The following RHBDF1 variants were observed in gnomAD, a reference collection of about 807,000 sequenced individuals.
RHBDF1 encodes inactive rhomboid protein 1.
A neutral mutation model predicts 98.6 loss-of-function variants in RHBDF1; 80 were observed. That is an observed-to-expected ratio of 0.81 (90% CI 0.68 to 0.98). The LOEUF (loss-of-function observed/expected upper bound fraction) is 0.98, where lower values mean the gene tolerates loss of function less well. RHBDF1 is among the 50% of genes least tolerant of loss of function. The pLI, the probability that RHBDF1 is intolerant of heterozygous loss-of-function variation, is 0.00. For synonymous variants in RHBDF1, 512 were observed against 486.8 expected (o/e 1.05, Z -0.68); for missense variants, 1,116 against 1,198.3 (o/e 0.93, Z 1.01).
At chr16:69,312 T>C (rs548469059) in intron 1 of RHBDF1, among the ~76,000 whole-genome samples, 23 of 152,260 alleles carry the variant, frequency 1.5e-4, no homozygotes, top group Admixed American at 4.6e-4. Context: ...CACAGGACCA[T>C]GCTGGCAGGG....
chr16:61,628 C>T lies in RHBDF1; in HGVS notation c.1277G>A (p.Gly426Asp), dbSNP rs1897627605. The change falls in exon 9 of 18, where the codon GGC (glycine) becomes GAC (aspartate). Residue 426 changes from glycine (G) to aspartate (D), a missense_variant. Physicochemically the swap from Gly to Asp is moderately conservative, Grantham distance 94 (BLOSUM62 -1). Transcript: ENST00000262316. ...CTGCGAGAAGCCCACGGGCGCGATGCCATAGATGCACACGGCTAGGATGGT... is the reference window on the plus strand; with the variant it reads ...CTGCGAGAAGCCCACGGGCGCGATGTCATAGATGCACACGGCTAGGATGGT... ...LVTILAVCIY[G>D]IAPVGFSQHE... The T allele has an allele frequency of 1.2e-6, 2 of 1,613,360 alleles. No homozygotes were observed. Among genetic ancestry groups the T allele is most frequent in the Admixed American group, 1.7e-5 (1 of 60,002 alleles).
At chr16:62,517 T>C (rs768960065) in intron 7 of RHBDF1, 21 bp downstream of exon 7, 2 of 1,609,112 alleles carry the variant, frequency 1.2e-6, no homozygotes, top group African/African-American at 2.7e-5. Context: ...TCTGCCCCTC[T>C]TCCCTGCCTG....
chr16:59,388 G>C, intron 15 of RHBDF1, 31 bp downstream of exon 15: 10 of 1,612,524 alleles, frequency 6.2e-6, no homozygotes, highest in Non-Finnish European at 8.5e-6. Flanking sequence ...GTAGCTGGGG[G>C]AGGGGAACGA....
In RHBDF1 at chr16:64,316, T is replaced by TG. The variant is rs563937616; in HGVS notation, c.248+382dup. 7.2e-5 allele frequency: 97 copies of TG among 1,342,392 alleles called. No homozygotes were observed. In the East Asian group the frequency reaches 3.5e-3, roughly 48 times the overall value. The allele number at this position is 1,342,392 out of a possible 1,614,324, so 83.2% of individuals were successfully genotyped here. ...ATGCCAGAAAACACCAACACACTCATGACCTGTATGAGATACCTGAGCAGG... is the reference window on the plus strand; with the variant it reads ...ATGCCAGAAAACACCAACACACTCATGGACCTGTATGAGATACCTGAGCAGG... On this transcript the variant is annotated intron_variant, in intron 3 of 17. Coordinates refer to ENST00000262316, the MANE Select transcript of RHBDF1 (RefSeq NM_022450.5).
rs200155960 is a variant in RHBDF1 at position 59,400 on chromosome 16, G to A, written c.1893+19C>T. 43 of 1,613,042 alleles carry A rather than the reference G, an allele frequency of 2.7e-5. No homozygotes were observed. The highest frequency in any genetic ancestry group is 3.3e-5 in the Admixed American group (2 of 59,952). ...ACAGTAGCTGGGGGAGGGGAACGAC[G>A]GACACTCTGCAGACCTACCTGAGAG... On this transcript the variant is annotated intron_variant, in intron 15 of 17. Transcript: ENST00000262316.
upstream of RHBDF1, among the ~76,000 whole-genome samples, chr16:75,644 A>T (rs115086353): frequency 1.5e-3 from 231 of 152,302 alleles, 1 homozygote; most frequent in African/African-American, 5.3e-3. Flanking sequence ...AGGGCCTGGC[A>T]GCACAGCCCC....
At chr16:60,131 C>A in intron 13 of RHBDF1, 85 bp downstream of exon 13, 1 of 1,602,692 alleles carries the variant, frequency 6.2e-7, no homozygotes, top group South Asian at 1.1e-5. Context: ...TGATGGGAAT[C>A]TCTGGTATCA....
At position 59,800 on chromosome 16, in the gene RHBDF1, G is replaced by A. The variant is rs1473113373; in HGVS notation, c.1749C>T (p.Asn583=). 5.6e-6 allele frequency: 9 copies of A among 1,614,044 alleles called. No homozygotes were observed. The African/African-American group carries it at 1.2e-4, about 22-fold the overall frequency. The change falls in exon 14 of 18, where the codon AAC becomes AAT. Residue 583 remains asparagine, a synonymous_variant. Coordinates refer to ENST00000262316, the MANE Select transcript of RHBDF1 (RefSeq NM_022450.5). ...AGTCCATGTGGGGATGGTTGGTGTG[G>A]TTCCCAGCGCTGTTTTTGGTGCAGA... ...WPICTKNSAG[N]HTNHPHMDCV... is the part of the protein sequence containing the mutation.
intron 1 of RHBDF1, among the ~76,000 whole-genome samples, chr16:71,571 G>A (rs1046184148): frequency 6.6e-6 from 1 of 152,336 alleles, no homozygotes; most frequent in East Asian, 1.9e-4. Flanking sequence ...GTCTCCAACA[G>A]GAAGTCCCGT....
upstream of RHBDF1, among the ~76,000 whole-genome samples, chr16:75,634 A>G (rs12931208): frequency 2.6e-5 from 4 of 152,168 alleles, no homozygotes; most frequent in Admixed American, 1.3e-4. Context: ...ACCTGGGCCC[A>G]GGGCCTGGCA....
intron 1 of RHBDF1, among the ~76,000 whole-genome samples, chr16:67,076 G>C (rs1897848868): frequency 6.6e-6 from 1 of 152,182 alleles, no homozygotes; most frequent in Non-Finnish European, 1.5e-5. Context: ...CCTCCACAGG[G>C]TATATGGACT....
In RHBDF1 at chr16:61,940, T is replaced by A. The variant is rs1897644752; in HGVS notation, c.1066A>T (p.Ile356Phe). The change falls in exon 8 of 18, where the codon ATC becomes TTC. Residue 356 changes from isoleucine (I) to phenylalanine (F), a missense_variant. Coordinates refer to ENST00000262316, the MANE Select transcript of RHBDF1 (RefSeq NM_022450.5). ...AAGAGCTTGCGCACCGGCACCGCGA[T>A]ACGCTGGCCCCGTCGCGGCCCCGCG... is the stretch of plus-strand genomic sequence containing the variant. ...STAGPRRGQRIAVPVRKLFAR... is the reference protein window; with the variant it reads ...STAGPRRGQRFAVPVRKLFAR... 3 of 1,598,540 alleles carry A rather than the reference T, an allele frequency of 1.9e-6. No homozygotes were observed. The East Asian group carries it at 6.7e-5, about 36-fold the overall frequency.
At chr16:59,170 G>A (rs373112309) in intron 16 of RHBDF1, 43 bp from the exon 17 acceptor site, 29 of 1,601,214 alleles carry the variant, frequency 1.8e-5, no homozygotes, top group Non-Finnish European at 2.4e-5. Flanking sequence ...ATTCAGCAGG[G>A]AAGTGACCTT....
upstream of RHBDF1, among the ~76,000 whole-genome samples, chr16:73,150 C>CGTT (rs1898021124): frequency 2.0e-5 from 3 of 152,212 alleles, no homozygotes; most frequent in South Asian, 6.2e-4. Context: ...CCACTTCATG[C>CGTT]GTTCATTCGC....
rs1567111040 is a variant in RHBDF1, at chr16:58,510, T to G, written c.2398A>C (p.Lys800Gln). 1 of 1,614,028 alleles carries G rather than the reference T, an allele frequency of 6.2e-7. No individual in the cohort carries two copies. Among genetic ancestry groups the G allele is most frequent in the Non-Finnish European group, 8.5e-7 (1 of 1,180,022 alleles). The change falls in exon 18 of 18, where the codon AAA becomes CAA. Residue 800 changes from lysine (K) to glutamine (Q), a missense_variant. Transcript: ENST00000262316. ...ISFGKFDLYR[K>Q]RCQIIIFQVV... ...TGAAAGATGATGATCTGGCAGCGTT[T>G]CCGGTACAGGTCGAACTTGCCAAAG...
At chr16:65,252 G>A (rs1341114092) in intron 1 of RHBDF1, among the ~76,000 whole-genome samples, 2 of 152,220 alleles carry the variant, frequency 1.3e-5, no homozygotes, top group Admixed American at 6.5e-5. Flanking sequence ...TAGGTCCTCA[G>A]ACAACATAAG....
chr16:58,070 G>A lies in RHBDF1; in HGVS notation c.*270C>T, dbSNP rs1897451833. The A allele has an allele frequency of 2.5e-6, 1 of 394,384 alleles. No homozygotes were observed. The highest frequency in any genetic ancestry group is 4.4e-5 in the East Asian group (1 of 22,678). 24.4% of individuals were successfully genotyped at this position (394,384 alleles called of 1,614,324 possible). ...TAGGGAAGCCCTGGTCAAGTTAATG[G>A]CAGCTAAAACGCTCCCAGTCCATTT... On this transcript the variant is annotated 3_prime_UTR_variant, in exon 18 of 18. Transcript: ENST00000262316.
chr16:59,390 G>C (rs780331491), intron 15 of RHBDF1, 29 bp downstream of exon 15: 1 of 1,612,554 alleles, frequency 6.2e-7, no homozygotes, highest in South Asian at 1.1e-5. Context: ...AGCTGGGGGA[G>C]GGGAACGACG....
In RHBDF1 at chr16:63,128, C is replaced by G. The variant is rs368282762; in HGVS notation, c.517G>C (p.Glu173Gln). The change falls in exon 5 of 18, where the codon GAA becomes CAA. Residue 173 changes from glutamate to glutamine, a missense_variant. By Grantham distance (29) the Glu-to-Gln change is conservative. Transcript: ENST00000262316. ...GGAGTGTGTGGGGCACTCAGGCCTT[C>G]CGCAGTGTCATCTGCCACACGGAAG... Reference protein sequence around the residue: ...RAFRVADDTAEGLSAPHTPVT... With the variant: ...RAFRVADDTAQGLSAPHTPVT... 1.2e-6 allele frequency: 2 copies of G among 1,600,926 alleles called. No individual in the cohort carries two copies. Among genetic ancestry groups the G allele is most frequent in the South Asian group, 2.2e-5 (2 of 89,396 alleles).
Sources: allele counts gnomAD v4.1 joint callset (sites outside exome capture counted in the v4.1 genomes callset), GRCh38; gene constraint gnomAD v4.1.1; transcripts MANE v1.5; gene names NCBI Gene and HGNC (gene_info 2026-07-23, HGNC 2026-07-21).